The following NECAB2 variants were observed in gnomAD, a reference collection of about 807,000 sequenced individuals.
NECAB2 encodes N-terminal EF-hand calcium-binding protein 2.
Under a neutral mutation model 51.9 loss-of-function variants are expected in NECAB2, and 68 were observed. The observed-to-expected ratio is 1.31, with a 90% CI of 1.08 to 1.60. NECAB2 has a LOEUF of 1.60. NECAB2 is among the 40% of genes most tolerant of loss of function. NECAB2 has a pLI of 0.00. For missense variants in NECAB2, 854 were observed against 490.3 expected, an observed-to-expected ratio of 1.74 and a Z score of -7.00; for synonymous variants, 329 against 203.5, an observed-to-expected ratio of 1.62 and a Z score of -5.25.
upstream of NECAB2, chr16:83,965,429 G>T (rs1379297176): frequency 6.3e-7 from 1 of 1,589,098 alleles, no homozygotes. Context: ...CCCGGCCTCA[G>T]ACCCTGTCCT....
In NECAB2 at chr16:83,982,126, C is replaced by G. The variant is rs551416618; in HGVS notation, c.459+999C>G. The stretch of plus-strand genomic sequence containing the variant: ...AGGACCAAGCTCGGAGCAAAGGCAC[C>G]TGCTGGTTTGTATCAATACGCTCCT... On this transcript the variant is annotated intron_variant, in intron 5 of 12. Transcript: ENST00000305202. 3.3e-5 allele frequency among the ~76,000 whole-genome samples: 5 copies of G among 152,300 alleles called. No individual in the cohort carries two copies. In the South Asian group the frequency reaches 6.2e-4, roughly 19 times the overall value.
intron 1 of NECAB2, chr16:83,971,726 A>C (rs997593708): frequency 9.4e-6 from 2 of 213,524 alleles, no homozygotes; most frequent in Non-Finnish European, 1.8e-5. Flanking sequence ...CCCTGGAAAC[A>C]CACCAGGGGT....
At chr16:83,971,806 A>C (rs1243929158) in intron 1 of NECAB2, 2 of 462,312 alleles carry the variant, frequency 4.3e-6, no homozygotes, top group East Asian at 8.1e-5. Context: ...GGTTGTGTGC[A>C]GCTGAGCGTT....
At chr16:83,967,677 C>T (rs1408696855), upstream of NECAB2, among the ~76,000 whole-genome samples, 2 of 83,620 alleles carry the variant, frequency 2.4e-5, no homozygotes, top group Non-Finnish European at 4.6e-5. Context: ...GATGGACAGA[C>T]AGATGGGCGG....
At chr16:83,977,262 A>T (rs1053482100) in intron 2 of NECAB2, among the ~76,000 whole-genome samples, 5 of 151,884 alleles carry the variant, frequency 3.3e-5, no homozygotes, top group Non-Finnish European at 5.9e-5. Context: ...CCTCCATGCC[A>T]CTCACATAGT....
intron 1 of NECAB2, among the ~76,000 whole-genome samples, chr16:83,970,364 C>G (rs994510195): frequency 7.9e-5 from 12 of 151,988 alleles, no homozygotes; most frequent in African/African-American, 2.9e-4. Flanking sequence ...GATAGGGACC[C>G]CAGTTTTGAG....
At chr16:83,986,907 G>T (rs1036393538) in intron 5 of NECAB2, among the ~76,000 whole-genome samples, 3 of 152,114 alleles carry the variant, frequency 2.0e-5, no homozygotes, top group African/African-American at 2.4e-5. Context: ...AGTGGGGTTA[G>T]GGTTGAAACA....
chr16:83,995,831 C>T (rs923306183), intron 8 of NECAB2, among the ~76,000 whole-genome samples: 1 of 152,194 alleles, frequency 6.6e-6, no homozygotes, highest in Non-Finnish European at 1.5e-5. Flanking sequence ...GGTGGAGTTA[C>T]CCCCTTCCTG....
chr16:83,975,686 A>C (rs762855934), intron 2 of NECAB2, among the ~76,000 whole-genome samples: 1 of 152,042 alleles, frequency 6.6e-6, no homozygotes, highest in African/African-American at 2.4e-5. Context: ...ACATAAACTC[A>C]GGGGGTGGCA....
chr16:83,997,218 A>T lies in NECAB2; in HGVS notation c.798A>T (p.Ala266=). The change falls in exon 9 of 13, where the codon GCA becomes GCT. Residue 266 remains alanine (A), a splice_region_variant and synonymous_variant. Transcript: ENST00000305202. The stretch of plus-strand genomic sequence containing the variant: ...CACTGTGTGCTGGATTGTTTCAGGC[A>T]CTGTGGTTCGACCTGCAGCAGCGCC... ...AELIGRLESK[A]LWFDLQQRLS... 6.2e-7 allele frequency: 1 copy of T among 1,614,104 alleles called. No individual in the cohort carries two copies. Among genetic ancestry groups the T allele is most frequent in the African/African-American group, 1.3e-5 (1 of 75,016 alleles).
At chr16:83,987,004 G>A in intron 5 of NECAB2, among the ~76,000 whole-genome samples, 1 of 152,010 alleles carries the variant, frequency 6.6e-6, no homozygotes, top group Non-Finnish European at 1.5e-5. Flanking sequence ...GTAACAAACA[G>A]GCATAAGTAC....
At chr16:83,991,631 G>C (rs2084627192) in intron 6 of NECAB2, among the ~76,000 whole-genome samples, 1 of 151,102 alleles carries the variant, frequency 6.6e-6, no homozygotes, top group Non-Finnish European at 1.5e-5. Context: ...GGGATTGCAG[G>C]CTTGAGCCAT....
intron 2 of NECAB2, among the ~76,000 whole-genome samples, chr16:83,976,203 C>G (rs2084408075): frequency 6.6e-6 from 1 of 152,172 alleles, no homozygotes; most frequent in African/African-American, 2.4e-5. Flanking sequence ...GGTGCCTGAG[C>G]CAGCACCCAC....
At chr16:84,002,040 C>A in intron 12 of NECAB2, 124 bp downstream of exon 12, 3 of 1,176,956 alleles carry the variant, frequency 2.5e-6, no homozygotes, top group Non-Finnish European at 3.7e-6. Context: ...CAGCTCCTGC[C>A]ACCAATGCCA....
At chr16:83,987,616 A>G (rs1004867483) in intron 5 of NECAB2, among the ~76,000 whole-genome samples, 3 of 152,114 alleles carry the variant, frequency 2.0e-5, no homozygotes, top group Non-Finnish European at 2.9e-5. Context: ...ATTTTTTAAC[A>G]TTTTCCCTAT....
intron 5 of NECAB2, among the ~76,000 whole-genome samples, chr16:83,988,771 C>G (rs1225095357): frequency 6.6e-6 from 1 of 152,174 alleles, no homozygotes; most frequent in African/African-American, 2.4e-5. Flanking sequence ...CAAAATTTCT[C>G]CACCTGAGCC....
chr16:83,971,400 G>A (rs1430299775), intron 1 of NECAB2: 2 of 152,248 alleles, frequency 1.3e-5, no homozygotes, highest in Non-Finnish European at 2.9e-5. Flanking sequence ...GGGGCGGAAA[G>A]CTGCCTTCGA....
intron 10 of NECAB2, among the ~76,000 whole-genome samples, chr16:83,999,661 A>AGACT (rs1368861734): frequency 6.6e-6 from 1 of 152,060 alleles, no homozygotes; most frequent in East Asian, 1.9e-4. Context: ...GGGGCGGCAT[A>AGACT]GACTATCAGC....
intron 8 of NECAB2, among the ~76,000 whole-genome samples, chr16:83,995,977 C>A (rs1006680474): frequency 1.3e-5 from 2 of 152,218 alleles, no homozygotes; most frequent in South Asian, 2.1e-4. Context: ...GGCTGGTAAC[C>A]ACGGAGTACC....
Sources: gnomAD v4.1 joint callset for allele counts (sites outside exome capture counted in the v4.1 genomes callset) on GRCh38, gnomAD v4.1.1 for gene constraint, MANE v1.5 for transcripts, NCBI Gene and HGNC (gene_info 2026-07-23, HGNC 2026-07-21) for gene names.